AGFG1: variants seen among roughly 807,000 people sequenced by gnomAD.
AGFG1 encodes the protein ArfGAP with FG repeats 1.
A neutral mutation model predicts 60.6 loss-of-function variants in AGFG1; 10 were observed. That is an observed-to-expected ratio of 0.16 (90% CI 0.10 to 0.28). The LOEUF is 0.28. Among genes scored for constraint, AGFG1 ranks in the 10% least tolerant of loss-of-function variants. The pLI is 1.00. For synonymous variants in AGFG1, 247 were observed against 242.9 expected (o/e 1.02, Z -0.16); for missense variants, 537 against 676.5 (o/e 0.79, Z 2.29).
At chr2:227,525,472 A>G (rs1691965899) in intron 5 of AGFG1, among the ~76,000 whole-genome samples, 1 of 152,228 alleles carries the variant, frequency 6.6e-6, no homozygotes, top group South Asian at 2.1e-4. Flanking sequence ...ATACGTACAT[A>G]TGTACATACA....
In AGFG1 at chr2:227,556,285, G is replaced by A. The variant is rs1232516079; in HGVS notation, c.*1790G>A. The A allele has an allele frequency of 6.6e-6, 1 of 152,350 alleles. No homozygotes were observed. Among genetic ancestry groups the A allele is most frequent in the Non-Finnish European group, 1.5e-5 (1 of 68,032 alleles). The allele number at this position is 152,350 out of a possible 1,614,324, so 9.4% of individuals were successfully genotyped here. On this transcript the variant is annotated 3_prime_UTR_variant, in exon 13 of 13. Transcript: ENST00000310078. ...TTGTTATCATAGTATTTTAAAACCTGTATAGTGTTTTAGACTTGTTAAAAC... is the reference window on the plus strand; with the variant it reads ...TTGTTATCATAGTATTTTAAAACCTATATAGTGTTTTAGACTTGTTAAAAC...
chr2:227,519,241 C>T (rs542368620), intron 2 of AGFG1, among the ~76,000 whole-genome samples: 1 of 152,276 alleles, frequency 6.6e-6, no homozygotes, highest in Admixed American at 6.5e-5. Context: ...TTATATATTC[C>T]AGTTTCAAGT....
rs1212896840 is a variant in AGFG1, at chr2:227,560,303, C to T, written c.*5808C>T. On this transcript the variant is annotated 3_prime_UTR_variant, in exon 13 of 13. Coordinates refer to ENST00000310078, the MANE Select transcript of AGFG1 (RefSeq NM_004504.5). Reference sequence around the variant, plus strand: ...TCCTTATGCATATATGAAGATTACTCTTGATTCTGCCTGACTGGAAACTTT... The same window carrying T: ...TCCTTATGCATATATGAAGATTACTTTTGATTCTGCCTGACTGGAAACTTT... The T allele has an allele frequency of 1.3e-5, 2 of 152,022 alleles. No homozygotes were observed. Among genetic ancestry groups the T allele is most frequent in the African/African-American group, 2.4e-5 (1 of 41,424 alleles). 9.4% of individuals were successfully genotyped at this position (152,022 alleles called of 1,614,324 possible).
intron 1 of AGFG1, among the ~76,000 whole-genome samples, chr2:227,477,730 C>T (rs1690328034): frequency 6.6e-6 from 1 of 152,126 alleles, no homozygotes; most frequent in Non-Finnish European, 1.5e-5. Context: ...CTCAGCCTCC[C>T]AAGCAGCTGG....
chr2:227,537,465 A>G lies in AGFG1; in HGVS notation c.1378+472A>G, dbSNP rs531422534. On this transcript the variant is annotated intron_variant, in intron 10 of 12. Coordinates refer to ENST00000310078, the MANE Select transcript of AGFG1 (RefSeq NM_004504.5). Reference sequence around the variant, plus strand: ...TAATTATTAGGTCTTTTTCTAGTGAATATCTCTTTCAGGTGTTAACATTTT... The same window carrying G: ...TAATTATTAGGTCTTTTTCTAGTGAGTATCTCTTTCAGGTGTTAACATTTT... 1.4e-4 allele frequency among the ~76,000 whole-genome samples: 22 copies of G among 152,290 alleles called. 1 individual carries two copies. In the South Asian group the frequency reaches 4.1e-3, roughly 29 times the overall value.
chr2:227,483,455 C>T (rs1184009167), intron 1 of AGFG1, among the ~76,000 whole-genome samples: 1 of 152,140 alleles, frequency 6.6e-6, no homozygotes, highest in East Asian at 1.9e-4. Flanking sequence ...TTAGAACATG[C>T]AAGTTTTCCA....
intron 2 of AGFG1, among the ~76,000 whole-genome samples, chr2:227,501,351 G>A (rs1575077665): frequency 6.6e-6 from 1 of 152,218 alleles, no homozygotes; most frequent in Non-Finnish European, 1.5e-5. Context: ...AAAGTGTTGG[G>A]ATTATAGGCA....
chr2:227,532,050 CTG>C (rs1692178768), intron 6 of AGFG1: 3 of 1,011,432 alleles, frequency 3.0e-6, no homozygotes, highest in Non-Finnish European at 4.1e-6. Flanking sequence ...ACTTTTAACT[CTG>C]TGTATTGTCT....
At chr2:227,484,688 G>GTTTTTTTTTTTTTTTTTTTTTTT (rs745570416) in intron 1 of AGFG1, among the ~76,000 whole-genome samples, 1 of 25,092 alleles carries the variant, frequency 4.0e-5, no homozygotes, top group African/African-American at 1.1e-4. Context: ...TTTTTTTTTT[G>GTTTTTTTTTTTTTTTTTTTTTTT]TTTTTTTTTT....
intron 2 of AGFG1, among the ~76,000 whole-genome samples, chr2:227,513,728 A>C (rs994766198): frequency 2.0e-5 from 3 of 152,246 alleles, no homozygotes; most frequent in Admixed American, 6.5e-5. Flanking sequence ...AATATGCTTT[A>C]ACATGTTTTA....
chr2:227,536,590 GA>G (rs113750157), intron 8 of AGFG1, 34 bp from the exon 9 acceptor site: 52,255 of 1,555,244 alleles, frequency 0.034, 1,140 homozygotes, highest in African/African-American at 0.094. Flanking sequence ...TTTTTTTTAA[GA>G]AAAAAAATGA....
intron 12 of AGFG1, among the ~76,000 whole-genome samples, 197 bp downstream of exon 12, chr2:227,553,992 A>AG (rs1169450658): frequency 1.3e-5 from 2 of 152,214 alleles, no homozygotes; most frequent in Non-Finnish European, 2.9e-5. Context: ...TGCAAATCAA[A>AG]GCATTGATAG....
At position 227,552,242 on chromosome 2, in the gene AGFG1, A is replaced by C. The variant is rs565553318; in HGVS notation, c.1537+125A>C. On this transcript the variant is annotated intron_variant, in intron 11 of 12. Coordinates refer to ENST00000310078, the MANE Select transcript of AGFG1 (RefSeq NM_004504.5). ...ATAGTATTATCTACTGAGTGTTTACACAAAAATAAAAGCCTTTGGTGATTT... is the reference window on the plus strand; with the variant it reads ...ATAGTATTATCTACTGAGTGTTTACCCAAAAATAAAAGCCTTTGGTGATTT... 4 of 1,169,316 alleles carry C rather than the reference A, an allele frequency of 3.4e-6. No individual in the cohort carries two copies. In the Admixed American group the frequency reaches 9.6e-5, roughly 28 times the overall value. 72.4% of individuals were successfully genotyped at this position (1,169,316 alleles called of 1,614,324 possible). A position where few individuals can be genotyped will look rare whatever the true frequency, so the allele number is the denominator to read the frequency against.
intron 10 of AGFG1, among the ~76,000 whole-genome samples, chr2:227,546,019 G>A (rs1335106525): frequency 1.3e-5 from 2 of 152,236 alleles, no homozygotes; most frequent in African/African-American, 4.8e-5. Context: ...TCTCTACAAA[G>A]CTGTCAGACA....
chr2:227,480,461 G>A (rs1269309483), intron 1 of AGFG1, among the ~76,000 whole-genome samples: 2 of 151,858 alleles, frequency 1.3e-5, no homozygotes, highest in East Asian at 1.9e-4. Flanking sequence ...GTGCAGTGGC[G>A]CCAACTCAGC....
At position 227,559,898 on chromosome 2, in the gene AGFG1, G is replaced by C. The variant is rs1456539867; in HGVS notation, c.*5403G>C. On this transcript the variant is annotated 3_prime_UTR_variant, in exon 13 of 13. Coordinates refer to ENST00000310078, the MANE Select transcript of AGFG1 (RefSeq NM_004504.5). ...ATCAGGTTTTTTAAAGACTTTAAAG[G>C]TTTTTTGTATGCTATAATATATGCT... The C allele has an allele frequency of 6.6e-6, 1 of 152,032 alleles. No individual in the cohort carries two copies. The highest frequency in any genetic ancestry group is 1.5e-5 in the Non-Finnish European group (1 of 67,964). The allele number at this position is 152,032 out of a possible 1,614,324, so 9.4% of individuals were successfully genotyped here. A position where few individuals can be genotyped will look rare whatever the true frequency, so the allele number is the denominator to read the frequency against.
rs531452379 is a variant in AGFG1 at position 227,487,580 on chromosome 2, C to T, written c.168-3967C>T. Among the ~76,000 whole-genome samples, 8 of 152,270 alleles carry T rather than the reference C, an allele frequency of 5.3e-5. 1 individual carries two copies. The East Asian group carries it at 1.5e-3, about 29-fold the overall frequency. ...AATAATGTTTGGTGAACATCTTGTA[C>T]ATAGGTGGTCAGCTCTATTTCCAAT... is the stretch of plus-strand genomic sequence containing the variant. On this transcript the variant is annotated intron_variant, in intron 1 of 12. Transcript: ENST00000310078.
chr2:227,486,151 G>T (rs577246802), intron 1 of AGFG1, among the ~76,000 whole-genome samples: 1 of 152,108 alleles, frequency 6.6e-6, no homozygotes, highest in Non-Finnish European at 1.5e-5. Flanking sequence ...CTCTCATCTC[G>T]CCTTGGCTAT....
chr2:227,487,760 A>G (rs996331859), intron 1 of AGFG1, among the ~76,000 whole-genome samples: 1 of 152,182 alleles, frequency 6.6e-6, no homozygotes, highest in Non-Finnish European at 1.5e-5. Flanking sequence ...TGGGTGGTAT[A>G]GGGGCGAGAC....
Sources: allele counts gnomAD v4.1 joint callset (sites outside exome capture counted in the v4.1 genomes callset), GRCh38; gene constraint gnomAD v4.1.1; transcripts MANE v1.5; gene names NCBI Gene and HGNC (gene_info 2026-07-23, HGNC 2026-07-21).